HDAC9: variants seen among roughly 807,000 people sequenced by gnomAD.
The protein encoded by HDAC9 is histone deacetylase 9, also known as MEF-2 interacting transcription repressor (MITR) protein.
A neutral mutation model predicts 139.4 loss-of-function variants in HDAC9; 41 were observed. That is an observed-to-expected ratio of 0.29 (90% CI 0.23 to 0.38). HDAC9 has a LOEUF of 0.38. HDAC9 is among the 10% of genes least tolerant of loss of function. HDAC9 has a pLI of 1.00. For synonymous variants in HDAC9, 517 were observed against 476.2 expected, an observed-to-expected ratio of 1.09 and a Z score of -1.12; for missense variants, 1,147 against 1,297.0, an observed-to-expected ratio of 0.88 and a Z score of 1.78.
chr7:18,906,804 A>G (rs950881226), intron 22 of HDAC9: 35 of 152,242 alleles, frequency 2.3e-4, no homozygotes, highest in African/African-American at 8.4e-4. Flanking sequence ...TCTTTATTCA[A>G]TACACACACA....
intron 2 of HDAC9, among the ~76,000 whole-genome samples, chr7:18,574,749 A>C (rs549875445): frequency 1.3e-4 from 20 of 152,246 alleles, no homozygotes; most frequent in Non-Finnish European, 2.8e-4. Flanking sequence ...GAGCATGCAC[A>C]TACCCAGCCG....
At chr7:18,672,699 C>T (rs1246328067) in intron 12 of HDAC9, among the ~76,000 whole-genome samples, 1 of 151,998 alleles carries the variant, frequency 6.6e-6, no homozygotes, top group African/African-American at 2.4e-5. Flanking sequence ...TAGCACTTAA[C>T]ATTAGGTCTT....
At chr7:18,934,666 G>A (rs988533097) in intron 22 of HDAC9, among the ~76,000 whole-genome samples, 2 of 152,044 alleles carry the variant, frequency 1.3e-5, no homozygotes, top group Non-Finnish European at 1.5e-5. Flanking sequence ...CACCCACTTG[G>A]CAAACCATAC....
At chr7:18,398,436 A>G (rs921095905) in intron 1 of HDAC9, among the ~76,000 whole-genome samples, 3 of 152,190 alleles carry the variant, frequency 2.0e-5, no homozygotes, top group Non-Finnish European at 2.9e-5. Context: ...TTCAGAAAGT[A>G]AAGCACTGCC....
chr7:18,302,758 A>C (rs935778628), intron 1 of HDAC9, among the ~76,000 whole-genome samples: 1 of 152,192 alleles, frequency 6.6e-6, no homozygotes, highest in African/African-American at 2.4e-5. Flanking sequence ...AGGCATAGAC[A>C]GTGTCTAGTC....
At chr7:18,470,951 A>C (rs549326381) in intron 1 of HDAC9, among the ~76,000 whole-genome samples, 4 of 152,146 alleles carry the variant, frequency 2.6e-5, no homozygotes, top group African/African-American at 9.6e-5. Context: ...CTGAGTCCTG[A>C]ATTTGTCTCT....
At chr7:18,191,449 C>G (rs1193761385) in intron 2 of HDAC9, among the ~76,000 whole-genome samples, 17 of 152,212 alleles carry the variant, frequency 1.1e-4, no homozygotes, top group Admixed American at 1.1e-3. Context: ...TACACGGTTT[C>G]TCAATTCCTG....
intron 1 of HDAC9, among the ~76,000 whole-genome samples, chr7:18,392,332 C>A (rs1786595113): frequency 6.6e-6 from 1 of 151,116 alleles, no homozygotes; most frequent in African/African-American, 2.4e-5. Flanking sequence ...CACACACACA[C>A]ACACACACAC....
chr7:18,761,761 G>A (rs1313068423), intron 14 of HDAC9, among the ~76,000 whole-genome samples: 1 of 152,114 alleles, frequency 6.6e-6, no homozygotes, highest in Non-Finnish European at 1.5e-5. Flanking sequence ...CTTCAAGAAG[G>A]AATAAAGAGT....
chr7:18,140,349 A>G (rs1785809130), intron 1 of HDAC9, among the ~76,000 whole-genome samples: 1 of 152,152 alleles, frequency 6.6e-6, no homozygotes, highest in Non-Finnish European at 1.5e-5. Context: ...GTATTTTTTA[A>G]AGATGGAAAC....
chr7:18,708,807 T>A (rs767519973), intron 12 of HDAC9, among the ~76,000 whole-genome samples: 15 of 152,166 alleles, frequency 9.9e-5, no homozygotes, highest in Non-Finnish European at 1.9e-4. Flanking sequence ...GCTACTGGAC[T>A]GTGAAAACAC....
At chr7:18,499,333 A>C (rs1346936513) in intron 2 of HDAC9, among the ~76,000 whole-genome samples, 1 of 152,078 alleles carries the variant, frequency 6.6e-6, no homozygotes, top group Non-Finnish European at 1.5e-5. Flanking sequence ...ATTGGAATAC[A>C]AGTTTTTTTT....
Position 18,793,326 on chromosome 7 carries a change from C to G in HDAC9, c.2215-19C>G, listed in dbSNP as rs756950487. On this transcript the variant is annotated intron_variant, in intron 16 of 25. Coordinates refer to ENST00000686413, the MANE Select transcript of HDAC9 (RefSeq NM_178425.4). ...CGCTTTCTTCTTCTGTCTTCGGACTCTGCTGACTGTTTGCTCAGGTGGACA... is the reference window on the plus strand; with the variant it reads ...CGCTTTCTTCTTCTGTCTTCGGACTGTGCTGACTGTTTGCTCAGGTGGACA... 1.1e-5 allele frequency: 16 copies of G among 1,520,582 alleles called. No individual in the cohort carries two copies. Among genetic ancestry groups the G allele is most frequent in the Non-Finnish European group, 1.3e-5 (14 of 1,115,664 alleles). 94.2% of individuals were successfully genotyped at this position (1,520,582 alleles called of 1,614,324 possible).
At chr7:18,923,715 C>A (rs6969674) in intron 22 of HDAC9, among the ~76,000 whole-genome samples, 25,491 of 151,996 alleles carry the variant, frequency 0.17, 2,487 homozygotes, top group East Asian at 0.35. Context: ...TTGGGCTTCA[C>A]TCACAAGTAG....
intron 1 of HDAC9, among the ~76,000 whole-genome samples, chr7:18,144,864 G>A (rs1359322422): frequency 6.6e-6 from 1 of 152,102 alleles, no homozygotes; most frequent in African/African-American, 2.4e-5. Flanking sequence ...TAACCACCTT[G>A]AAGTTTCAAA....
At position 18,270,666 on chromosome 7, in the gene HDAC9, A is replaced by G. The variant is rs902791467; in HGVS notation, c.25+108317A>G. On this transcript the variant is annotated intron_variant, in intron 2 of 12. Coordinates refer to the HDAC9 transcript ENST00000417496. ...ATACGTAGTATATTATTTCTTGGTG[A>G]AAAAAGAGTAGGAGGAAAAATGCTA... Among the ~76,000 whole-genome samples, 4 of 152,150 alleles carry G rather than the reference A, an allele frequency of 2.6e-5. No individual in the cohort carries two copies. In the South Asian group the frequency reaches 8.3e-4, roughly 32 times the overall value.
intron 2 of HDAC9, among the ~76,000 whole-genome samples, chr7:18,163,925 T>C (rs1011576469): frequency 1.3e-5 from 2 of 152,184 alleles, no homozygotes; most frequent in African/African-American, 2.4e-5. Flanking sequence ...TTTTATAAAA[T>C]GAAAATCTCA....
At chr7:18,668,636 A>C in intron 12 of HDAC9, 1 of 983,756 alleles carries the variant, frequency 1.0e-6, no homozygotes, top group Non-Finnish European at 1.2e-6. Context: ...TCAAGAAACT[A>C]CCTGGAACCA....
intron 8 of HDAC9, among the ~76,000 whole-genome samples, chr7:18,638,546 G>A (rs1427085519): frequency 6.6e-6 from 1 of 152,012 alleles, no homozygotes; most frequent in Non-Finnish European, 1.5e-5. Flanking sequence ...CCAGATTCCT[G>A]ATCTAGGAGA....
Sources: allele counts gnomAD v4.1 joint callset (sites outside exome capture counted in the v4.1 genomes callset), GRCh38; gene constraint gnomAD v4.1.1; transcripts MANE v1.5; gene names NCBI Gene and HGNC (gene_info 2026-07-23, HGNC 2026-07-21).